Variants in VEPH1 observed in about 807,000 individuals in gnomAD.
VEPH1 encodes ventricular zone-expressed PH domain-containing protein homolog 1.
VEPH1 carries 80 observed loss-of-function variants against 85.2 expected under a neutral mutation model. The ratio of observed to expected loss-of-function variants is 0.94; its 90% CI spans 0.78 to 1.13. The LOEUF is 1.13. Among genes scored for constraint, VEPH1 ranks in the 50% most tolerant of loss-of-function variants. The pLI is 0.00. For missense variants in VEPH1, 955 were observed against 980.5 expected (o/e 0.97, Z 0.35); for synonymous variants, 297 against 348.0 (o/e 0.85, Z 1.63).
chr3:157,397,784 C>T (rs1198622987), intron 6 of VEPH1, among the ~76,000 whole-genome samples: 1 of 152,164 alleles, frequency 6.6e-6, no homozygotes, highest in African/African-American at 2.4e-5. Context: ...ATCATCCAGC[C>T]AAACCATTGG....
At chr3:157,276,316 T>C (rs992815384) in intron 12 of VEPH1, among the ~76,000 whole-genome samples, 67 of 152,222 alleles carry the variant, frequency 4.4e-4, no homozygotes, top group African/African-American at 1.6e-3. Context: ...TTTAGGGCTA[T>C]GTTTCCTGAA....
intron 6 of VEPH1, among the ~76,000 whole-genome samples, chr3:157,395,752 T>C (rs935135711): frequency 2.0e-5 from 3 of 152,100 alleles, no homozygotes; most frequent in African/African-American, 4.8e-5. Flanking sequence ...CAAGTGAAGG[T>C]TTGTCACATA....
At chr3:157,357,098 A>G (rs991468103) in intron 9 of VEPH1, among the ~76,000 whole-genome samples, 1 of 152,254 alleles carries the variant, frequency 6.6e-6, no homozygotes. Flanking sequence ...CTGCTTTTAC[A>G]CCACCCACAT....
intron 12 of VEPH1, among the ~76,000 whole-genome samples, chr3:157,278,491 G>T (rs950954556): frequency 6.6e-6 from 1 of 152,200 alleles, no homozygotes; most frequent in Non-Finnish European, 1.5e-5. Flanking sequence ...GATATGTTAT[G>T]AAGTTTGGTC....
chr3:157,294,410 T>G (rs1030602912), intron 11 of VEPH1, among the ~76,000 whole-genome samples: 1 of 152,246 alleles, frequency 6.6e-6, no homozygotes, highest in South Asian at 2.1e-4. Context: ...AATAATGGTA[T>G]GCTGTGAACC....
At chr3:157,459,359 T>C (rs563832599) in intron 4 of VEPH1, among the ~76,000 whole-genome samples, 9 of 152,276 alleles carry the variant, frequency 5.9e-5, no homozygotes, top group Admixed American at 2.6e-4. Context: ...AGAGCACACA[T>C]AGGACACCCT....
chr3:157,488,015 C>G (rs1199337468), intron 2 of VEPH1, among the ~76,000 whole-genome samples: 1 of 151,882 alleles, frequency 6.6e-6, no homozygotes, highest in Non-Finnish European at 1.5e-5. Flanking sequence ...TTCTGGAGAG[C>G]TAGTCAGGAT....
At chr3:157,330,366 G>A (rs1052005442) in intron 9 of VEPH1, among the ~76,000 whole-genome samples, 8 of 152,310 alleles carry the variant, frequency 5.3e-5, no homozygotes, top group African/African-American at 1.9e-4. Context: ...AAACCCATCT[G>A]CACTGTATGA....
rs926149256 is a variant in VEPH1, at chr3:157,295,954, CAAAA to C, written c.2011-9284_2011-9281del. ...TGGGCAACAGAGTGAGACTCCATCT[CAAAA>C]AAAAATAAATAAATAAATAAATTAT... On this transcript the variant is annotated intron_variant, in intron 11 of 13. Transcript: ENST00000362010. 5.5e-4 allele frequency among the ~76,000 whole-genome samples: 82 copies of C among 149,466 alleles called. 1 individual carries two copies. The highest frequency in any genetic ancestry group is 1.7e-3 in the African/African-American group (70 of 40,568).
rs1735668346 is a variant in VEPH1 at position 157,459,809 on chromosome 3, T to C, written c.529+372A>G. ...GACATTTCTTGCTTTTGGAAGCAAA[T>C]GAAGACAGGTTTTTCATACCCCACT... is the stretch of plus-strand genomic sequence containing the variant. On this transcript the variant is annotated intron_variant, in intron 4 of 13. Coordinates refer to ENST00000362010, the MANE Select transcript of VEPH1 (RefSeq NM_001167912.2). 2.0e-6 allele frequency: 3 copies of C among 1,493,670 alleles called. No homozygotes were observed. The South Asian group carries it at 3.8e-5, about 19-fold the overall frequency. The allele number at this position is 1,493,670 out of a possible 1,614,324, so 92.5% of individuals were successfully genotyped here.
chr3:157,470,650 G>A (rs1456248066), intron 2 of VEPH1, 121 bp from the exon 3 acceptor site: 9 of 858,404 alleles, frequency 1.0e-5, no homozygotes, highest in East Asian at 1.0e-4. Context: ...AGGGGTGAGG[G>A]TGTAAAGCCT....
chr3:157,398,213 A>G (rs1272902027), intron 6 of VEPH1, among the ~76,000 whole-genome samples: 2 of 152,112 alleles, frequency 1.3e-5, no homozygotes, highest in East Asian at 3.9e-4. Flanking sequence ...TGCACACCCA[A>G]TTTTGTCTTG....
chr3:157,347,433 G>A (rs1198154205), intron 9 of VEPH1, among the ~76,000 whole-genome samples: 1 of 152,208 alleles, frequency 6.6e-6, no homozygotes, highest in Non-Finnish European at 1.5e-5. Flanking sequence ...AATGCTACCA[G>A]CGCCTGCTAC....
chr3:157,332,712 A>C (rs2108609125), intron 9 of VEPH1, among the ~76,000 whole-genome samples: 1 of 152,278 alleles, frequency 6.6e-6, no homozygotes, highest in East Asian at 1.9e-4. Flanking sequence ...ATTCAAGTAC[A>C]TGTTTTGGTT....
chr3:157,312,515 T>C lies in VEPH1; in HGVS notation c.2010+1106A>G, dbSNP rs192805061. On this transcript the variant is annotated intron_variant, in intron 11 of 13. Coordinates refer to ENST00000362010, the MANE Select transcript of VEPH1 (RefSeq NM_001167912.2). ...CCACCTAGTTAGCCATATAAACAGC[T>C]TGGATTTGAAATATGTAAACCAGAA... 6.2e-3 allele frequency among the ~76,000 whole-genome samples: 939 copies of C among 152,286 alleles called. 5 individuals are homozygous for C. The highest frequency in any genetic ancestry group is 7.2e-3 in the Non-Finnish European group (489 of 68,018).
intron 12 of VEPH1, among the ~76,000 whole-genome samples, chr3:157,276,759 G>A (rs973921279): frequency 1.3e-5 from 2 of 152,046 alleles, no homozygotes; most frequent in Admixed American, 1.3e-4. Context: ...TTTCCAAGAT[G>A]GTAACCTGTT....
chr3:157,286,588 G>A lies in VEPH1; in HGVS notation c.2097C>T (p.Cys699=), dbSNP rs1470814569. 1 of 1,613,952 alleles carries A rather than the reference G, an allele frequency of 6.2e-7. No individual in the cohort carries two copies. The highest frequency in any genetic ancestry group is 8.5e-7 in the Non-Finnish European group (1 of 1,179,946). The change falls in exon 12 of 14, where the codon TGC becomes TGT. Residue 699 remains cysteine, a synonymous_variant. Transcript: ENST00000362010. ...GFSETAGAWQ[C]FMCNNPEKAT... ...CTTTCTCAGGATTGTTGCACATGAA[G>A]CATTGCCATGCTCCTGCTGTTTCAC...
intron 12 of VEPH1, chr3:157,286,316 A>G: frequency 2.1e-6 from 1 of 473,194 alleles, no homozygotes; most frequent in South Asian, 2.4e-5. Context: ...AATGGCTGAT[A>G]CTGCTTCCTT....
chr3:157,502,777 T>C (rs566599805), intron 1 of VEPH1, among the ~76,000 whole-genome samples: 19 of 152,326 alleles, frequency 1.2e-4, no homozygotes, highest in African/African-American at 4.6e-4. Flanking sequence ...ATTTGTAAGA[T>C]ATCTGAAACA....
Sources: gnomAD v4.1 joint callset for allele counts (sites outside exome capture counted in the v4.1 genomes callset) on GRCh38, gnomAD v4.1.1 for gene constraint, MANE v1.5 for transcripts, NCBI Gene and HGNC (gene_info 2026-07-23, HGNC 2026-07-21) for gene names.